LRRK1: variants seen among roughly 807,000 people sequenced by gnomAD.
LRRK1 encodes leucine-rich repeat serine/threonine-protein kinase 1.
LRRK1 carries 113 observed loss-of-function variants against 209.1 expected under a neutral mutation model. The observed-to-expected ratio is 0.54, with a 90% CI of 0.46 to 0.63. The LOEUF is 0.63. Ranked by LOEUF, LRRK1 falls within the 30% of genes least tolerant of loss-of-function variation. LRRK1 has a pLI of 0.00. For synonymous variants in LRRK1, 1,144 were observed against 1,099.7 expected (o/e 1.04, Z -0.80); for missense variants, 2,284 against 2,632.2 (o/e 0.87, Z 2.89).
intron 2 of LRRK1, among the ~76,000 whole-genome samples, chr15:100,927,107 C>G (rs1341965695): frequency 6.6e-6 from 1 of 152,186 alleles, no homozygotes; most frequent in Admixed American, 6.5e-5. Flanking sequence ...GTGCACATGT[C>G]CCCTGGGGAT....
At chr15:100,971,375 A>C (rs916280534) in intron 2 of LRRK1, among the ~76,000 whole-genome samples, 1 of 151,856 alleles carries the variant, frequency 6.6e-6, no homozygotes, top group Non-Finnish European at 1.5e-5. Flanking sequence ...AGAAAAAAGA[A>C]GAAGAAAATC....
intron 20 of LRRK1, among the ~76,000 whole-genome samples, chr15:101,039,952 A>G (rs1042334951): frequency 6.6e-6 from 1 of 152,098 alleles, no homozygotes; most frequent in Admixed American, 6.5e-5. Flanking sequence ...TATCTTTTTT[A>G]TCTAATGCTA....
intron 2 of LRRK1, among the ~76,000 whole-genome samples, chr15:100,963,567 G>A (rs1021552666): frequency 1.3e-5 from 2 of 152,234 alleles, no homozygotes; most frequent in Non-Finnish European, 2.9e-5. Flanking sequence ...TCCTTGGCCT[G>A]GGCCGCTTGT....
intron 2 of LRRK1, among the ~76,000 whole-genome samples, chr15:100,936,601 C>T (rs910487515): frequency 6.6e-6 from 1 of 152,244 alleles, no homozygotes; most frequent in African/African-American, 2.4e-5. Flanking sequence ...GGTTCTACTC[C>T]AGCCAAGGGT....
At chr15:100,964,763 T>G (rs2030342441) in intron 2 of LRRK1, among the ~76,000 whole-genome samples, 1 of 150,210 alleles carries the variant, frequency 6.7e-6, no homozygotes, top group South Asian at 2.1e-4. Flanking sequence ...GTGTTTTCCT[T>G]GGTGGGGAGA....
chr15:100,975,069 G>A (rs534153777), intron 3 of LRRK1, among the ~76,000 whole-genome samples: 6 of 152,312 alleles, frequency 3.9e-5, no homozygotes, highest in African/African-American at 1.4e-4. Flanking sequence ...GCAGAAGGAA[G>A]GCATTTAAGA....
intron 6 of LRRK1, among the ~76,000 whole-genome samples, chr15:100,992,677 T>C (rs2032208097): frequency 6.6e-6 from 1 of 152,216 alleles, no homozygotes; most frequent in Non-Finnish European, 1.5e-5. Context: ...GTTTCTGTTC[T>C]TGTTTTTTGA....
intron 3 of LRRK1, among the ~76,000 whole-genome samples, chr15:100,975,555 T>C (rs543684542): frequency 6.6e-6 from 1 of 152,288 alleles, no homozygotes; most frequent in East Asian, 1.9e-4. Context: ...CTCCCCTGAA[T>C]ACAGGACTGA....
intron 2 of LRRK1, among the ~76,000 whole-genome samples, chr15:100,933,647 C>T (rs1033811848): frequency 2.6e-5 from 4 of 151,704 alleles, no homozygotes; most frequent in Non-Finnish European, 5.9e-5. Flanking sequence ...CGTGGCGAAA[C>T]CCCGTCTTTA....
In LRRK1 at chr15:101,049,701, T is replaced by A; in HGVS notation, c.3357T>A (p.Val1119=). The A allele has an allele frequency of 6.2e-7, 1 of 1,614,124 alleles. No individual in the cohort carries two copies. Among genetic ancestry groups the A allele is most frequent in the Admixed American group, 1.7e-5 (1 of 60,006 alleles). ...KKKKSGGMKI[V]CQSEVRDFSA... is the part of the protein sequence containing the mutation. ...AGAAAAGCGGAGGAATGAAAATTGT[T>A]TGCCAATCAGAAGTGAGGGACTTCT... Residue 1119 remains valine, a synonymous_variant, in exon 23 of 34, where the codon GTT becomes GTA. Coordinates refer to ENST00000388948, the MANE Select transcript of LRRK1 (RefSeq NM_024652.6).
At position 101,022,629 on chromosome 15, in the gene LRRK1, G is replaced by C; in HGVS notation, c.2067+32G>C. ...GATGGTCTGCGTGCAGAGTCCCTGT[G>C]GGTGGGAGGAACATCCCTTGGACTC... is the stretch of plus-strand genomic sequence containing the variant. On this transcript the variant is annotated intron_variant, in intron 15 of 33. Coordinates refer to ENST00000388948, the MANE Select transcript of LRRK1 (RefSeq NM_024652.6). The surrounding 1 kb of genome is among the most constrained non-coding windows in gnomAD (Gnocchi z 4.0). 1 of 1,472,276 alleles carries C rather than the reference G, an allele frequency of 6.8e-7. No homozygotes were observed. The allele number at this position is 1,472,276 out of a possible 1,614,324, so 91.2% of individuals were successfully genotyped here.
At chr15:100,947,683 G>A (rs1333818029) in intron 2 of LRRK1, among the ~76,000 whole-genome samples, 1 of 152,182 alleles carries the variant, frequency 6.6e-6, no homozygotes, top group Non-Finnish European at 1.5e-5. Context: ...GTTTATGTCA[G>A]CATTGCAGAG....
intron 6 of LRRK1, 62 bp from the exon 7 acceptor site, chr15:101,008,775 C>T (rs1263409299): frequency 6.9e-6 from 9 of 1,297,466 alleles, no homozygotes; most frequent in Non-Finnish European, 1.0e-5. Context: ...TGCTTTATTC[C>T]AAGCCCATGT....
chr15:101,002,678 G>A (rs2032755461), intron 6 of LRRK1, among the ~76,000 whole-genome samples: 1 of 152,172 alleles, frequency 6.6e-6, no homozygotes, highest in Non-Finnish European at 1.5e-5. Context: ...GGCTAATGAG[G>A]GCTTCAGGGC....
At chr15:101,047,217 A>G (rs1001030608) in intron 21 of LRRK1, among the ~76,000 whole-genome samples, 2 of 152,228 alleles carry the variant, frequency 1.3e-5, no homozygotes, top group African/African-American at 4.8e-5. Context: ...ATGTTCTTTG[A>G]TCTTCCCATT....
chr15:101,044,909 ACT>A (rs941758132), intron 20 of LRRK1, among the ~76,000 whole-genome samples: 1 of 152,156 alleles, frequency 6.6e-6, no homozygotes, highest in Non-Finnish European at 1.5e-5. Context: ...AAGACAGGAC[ACT>A]CTGATGAAGA....
intron 11 of LRRK1, 31 bp from the exon 12 acceptor site, chr15:101,015,295 C>T (rs1048846585): frequency 5.1e-6 from 8 of 1,569,958 alleles, no homozygotes; most frequent in Non-Finnish European, 7.0e-6. Context: ...TCGTGCTGTC[C>T]TCAAATTTTG....
At chr15:100,956,577 G>T (rs910510618) in intron 2 of LRRK1, among the ~76,000 whole-genome samples, 7 of 150,192 alleles carry the variant, frequency 4.7e-5, no homozygotes, top group African/African-American at 1.7e-4. Context: ...GCAACTCTCT[G>T]CCTCAGCCTC....
At chr15:100,985,408 A>C (rs1419879954) in intron 4 of LRRK1, among the ~76,000 whole-genome samples, 4 of 152,046 alleles carry the variant, frequency 2.6e-5, no homozygotes, top group Non-Finnish European at 5.9e-5. Flanking sequence ...TGAGAGACAG[A>C]TAATTTTTTT....
Sources: gnomAD v4.1 joint callset for allele counts (sites outside exome capture counted in the v4.1 genomes callset) on GRCh38, gnomAD v4.1.1 for gene constraint, Gnocchi (gnomAD v3.1) non-coding constraint, MANE v1.5 for transcripts, NCBI Gene and HGNC (gene_info 2026-07-23, HGNC 2026-07-21) for gene names.